NFATC2: variants seen among roughly 807,000 people sequenced by gnomAD.
NFATC2 encodes the protein nuclear factor of activated T cells 2.
In NFATC2, 22 loss-of-function variants were observed where a neutral mutation model predicts 87.3. The ratio of observed to expected loss-of-function variants is 0.25; its 90% CI spans 0.18 to 0.36. The LOEUF (loss-of-function observed/expected upper bound fraction) is 0.36. Among genes scored for constraint, NFATC2 ranks in the 10% least tolerant of loss-of-function variants. The pLI, the probability that NFATC2 is intolerant of heterozygous loss-of-function variation, is 1.00. For missense variants in NFATC2, 1,149 were observed against 1,259.1 expected (o/e 0.91, Z 1.32); for synonymous variants, 565 against 542.2 (o/e 1.04, Z -0.58).
At chr20:51,428,021 A>C (rs957649858) in intron 9 of NFATC2, among the ~76,000 whole-genome samples, 3 of 152,240 alleles carry the variant, frequency 2.0e-5, no homozygotes, top group Admixed American at 1.3e-4. Context: ...CAGAGTAGAC[A>C]GCCAGAAAAT....
intron 2 of NFATC2, among the ~76,000 whole-genome samples, chr20:51,519,922 A>AAAG (rs1454912499): frequency 6.6e-6 from 1 of 151,954 alleles, no homozygotes; most frequent in Non-Finnish European, 1.5e-5. Flanking sequence ...TCTAAAAAAA[A>AAAG]AAAAAAAAGA....
chr20:51,496,507 C>G (rs770908893), intron 3 of NFATC2, among the ~76,000 whole-genome samples: 29 of 151,950 alleles, frequency 1.9e-4, no homozygotes, highest in South Asian at 1.0e-3. Flanking sequence ...CCTTGTGACC[C>G]AGAGCCTCAC....
At chr20:51,414,132 G>A (rs1461020468) in intron 9 of NFATC2, among the ~76,000 whole-genome samples, 1 of 152,168 alleles carries the variant, frequency 6.6e-6, no homozygotes. Flanking sequence ...AGGTCTTTGA[G>A]CAAAGGGTGG....
intron 6 of NFATC2, among the ~76,000 whole-genome samples, chr20:51,451,292 T>G (rs570673059): frequency 7.2e-5 from 11 of 152,358 alleles, no homozygotes; most frequent in Admixed American, 6.5e-4. Flanking sequence ...GATTCTGATT[T>G]TTCCTCATGC....
chr20:51,562,802 G>C, upstream of NFATC2: 2 of 564,846 alleles, frequency 3.5e-6, no homozygotes, highest in Non-Finnish European at 6.2e-6. This position sits in a 1 kb window ranked among gnomAD's most constrained non-coding sequence, Gnocchi z 5.8. Context: ...GGCGGAGTCG[G>C]CGCGGCTCCG....
At chr20:51,539,364 C>A (rs2076769793) in intron 1 of NFATC2, among the ~76,000 whole-genome samples, 1 of 152,170 alleles carries the variant, frequency 6.6e-6, no homozygotes, top group South Asian at 2.1e-4. Context: ...CTGAGGAGTC[C>A]CACCATACAG....
intron 3 of NFATC2, among the ~76,000 whole-genome samples, chr20:51,499,776 AG>A (rs139092652): frequency 0.035 from 5,359 of 152,004 alleles, 300 homozygotes; most frequent in African/African-American, 0.12. Context: ...AGAAAGAAAA[AG>A]AAATCTAAAA....
chr20:51,562,415 A>T lies in NFATC2; in HGVS notation c.70+145T>A. The stretch of plus-strand genomic sequence containing the variant: ...CGGGCGCCCCTCCGCGGGCCCCGCT[A>T]CCTGTGCGCCGAGGGCGAGCGGGGT... On this transcript the variant is annotated intron_variant, in intron 1 of 10. Coordinates refer to the NFATC2 transcript ENST00000414705. This position sits in a 1 kb window ranked among gnomAD's most constrained non-coding sequence, Gnocchi z 5.8. 1 of 681,008 alleles carries T rather than the reference A, an allele frequency of 1.5e-6. No individual in the cohort carries two copies. Among genetic ancestry groups the T allele is most frequent in the Non-Finnish European group, 2.4e-6 (1 of 418,754 alleles). 42.2% of individuals were successfully genotyped at this position (681,008 alleles called of 1,614,324 possible).
chr20:51,489,203 G>A (rs1199322226), intron 3 of NFATC2, among the ~76,000 whole-genome samples: 5 of 152,104 alleles, frequency 3.3e-5, no homozygotes, highest in African/African-American at 1.2e-4. Context: ...AAAGAAGTGT[G>A]CAGATGACTT....
chr20:51,530,765 T>C (rs1273140810), intron 1 of NFATC2, among the ~76,000 whole-genome samples: 2 of 152,100 alleles, frequency 1.3e-5, no homozygotes, highest in South Asian at 2.1e-4. Flanking sequence ...CAAGCCACTA[T>C]TTATCCATCA....
At chr20:51,509,637 A>G (rs1483346666) in intron 3 of NFATC2, among the ~76,000 whole-genome samples, 1 of 152,228 alleles carries the variant, frequency 6.6e-6, no homozygotes, top group Non-Finnish European at 1.5e-5. Flanking sequence ...ATTTTATTAG[A>G]CAAATAGAAG....
intron 5 of NFATC2, among the ~76,000 whole-genome samples, chr20:51,467,072 C>CAAA (rs35588474): frequency 2.5e-4 from 20 of 79,658 alleles, no homozygotes; most frequent in African/African-American, 4.7e-4. Flanking sequence ...GACTTAGTCT[C>CAAA]AAAAAAAAAA....
At chr20:51,508,213 C>T (rs1445694481) in intron 3 of NFATC2, among the ~76,000 whole-genome samples, 5 of 152,084 alleles carry the variant, frequency 3.3e-5, no homozygotes, top group African/African-American at 7.2e-5. Context: ...AGTGAACCTC[C>T]GTGTCTTCAG....
At chr20:51,428,591 AGACGC>A (rs1442153509) in intron 9 of NFATC2, among the ~76,000 whole-genome samples, 1 of 152,232 alleles carries the variant, frequency 6.6e-6, no homozygotes, top group Non-Finnish European at 1.5e-5. Context: ...TGGAATGCCC[AGACGC>A]GACGCTGGGA....
At chr20:51,557,562 C>T (rs1440843578) in intron 1 of NFATC2, among the ~76,000 whole-genome samples, 1 of 152,168 alleles carries the variant, frequency 6.6e-6, no homozygotes, top group Non-Finnish European at 1.5e-5. Flanking sequence ...ATGTGAGTAT[C>T]TGTTGGATGG....
chr20:51,479,046 T>C (rs1988999023), intron 3 of NFATC2, among the ~76,000 whole-genome samples: 1 of 152,204 alleles, frequency 6.6e-6, no homozygotes, highest in Non-Finnish European at 1.5e-5. Context: ...ACCACTTTGG[T>C]ATGTACGTTT....
At chr20:51,471,853 T>C (rs142525404) in intron 5 of NFATC2, among the ~76,000 whole-genome samples, 29 of 152,378 alleles carry the variant, frequency 1.9e-4, no homozygotes, top group African/African-American at 5.5e-4. Flanking sequence ...TTTTGGTTTA[T>C]TTTTAAAAAC....
At chr20:51,506,429 A>C (rs914112841) in intron 3 of NFATC2, among the ~76,000 whole-genome samples, 1 of 152,112 alleles carries the variant, frequency 6.6e-6, no homozygotes, top group African/African-American at 2.4e-5. Context: ...TGACATTCGC[A>C]ATGTCTCCCA....
chr20:51,474,286 T>G, intron 4 of NFATC2, 134 bp from the exon 5 acceptor site: 2 of 1,049,032 alleles, frequency 1.9e-6, no homozygotes, highest in Non-Finnish European at 2.7e-6. Context: ...CAGCCAGGAA[T>G]GTATACCAAG....
Sources: gnomAD v4.1 joint callset for allele counts (sites outside exome capture counted in the v4.1 genomes callset) on GRCh38, gnomAD v4.1.1 for gene constraint, Gnocchi (gnomAD v3.1) non-coding constraint, MANE v1.5 for transcripts, NCBI Gene and HGNC (gene_info 2026-07-23, HGNC 2026-07-21) for gene names.